CHMP1A: variants seen among roughly 807,000 people sequenced by gnomAD.
The protein encoded by CHMP1A is VPS46 homolog A.
CHMP1A carries 17 observed loss-of-function variants against 27.0 expected under a neutral mutation model. That is an observed-to-expected ratio of 0.63 (90% confidence interval 0.43 to 0.95). The LOEUF (loss-of-function observed/expected upper bound fraction) is 0.95, where lower values mean the gene tolerates loss of function less well. CHMP1A is among the 40% of genes least tolerant of loss of function. CHMP1A has a pLI of 0.00. For synonymous variants in CHMP1A, 131 were observed against 107.5 expected (o/e 1.22, Z -1.35); for missense variants, 275 against 264.0 (o/e 1.04, Z -0.29).
rs558269626 is a variant in CHMP1A at position 89,650,818 on chromosome 16, T to C, written c.105+751A>G. On this transcript the variant is annotated intron_variant, in intron 3 of 6. Coordinates refer to ENST00000397901, the MANE Select transcript of CHMP1A (RefSeq NM_002768.5). ...GACTCCATCTCAAAAAAAAAAAAGATAGGATCGTGGCAGACAGCTAGCTAG... is the reference window on the plus strand; with the variant it reads ...GACTCCATCTCAAAAAAAAAAAAGACAGGATCGTGGCAGACAGCTAGCTAG... 2.1e-5 allele frequency among the ~76,000 whole-genome samples: 3 copies of C among 146,174 alleles called. No individual in the cohort carries two copies. In the South Asian group the frequency reaches 6.4e-4, roughly 31 times the overall value.
At chr16:89,657,561 A>G in intron 1 of CHMP1A, 21 bp downstream of exon 1, 2 of 1,610,380 alleles carry the variant, frequency 1.2e-6, no homozygotes, top group Non-Finnish European at 1.7e-6. Flanking sequence ...GAGTCCCCGG[A>G]GGACGGCCGC....
chr16:89,657,690 G>C lies in CHMP1A; in HGVS notation c.-102C>G. 2 of 1,570,142 alleles carry C rather than the reference G, an allele frequency of 1.3e-6. No homozygotes were observed. The highest frequency in any genetic ancestry group is 2.3e-5 in the South Asian group (2 of 86,168). ...TCGAACCGACCAAGCTGCACCCGGC[G>C]GGGACTTCCGGGGTCGCCGCCCCAC... On this transcript the variant is annotated 5_prime_UTR_variant, in exon 1 of 7. Transcript: ENST00000397901.
chr16:89,646,160 G>C, intron 6 of CHMP1A, 73 bp from the exon 7 acceptor site: 2 of 1,399,098 alleles, frequency 1.4e-6, no homozygotes, highest in Non-Finnish European at 1.9e-6. Flanking sequence ...TCCCAGCACA[G>C]GTGACCCTTT....
At position 89,646,628 on chromosome 16, in the gene CHMP1A, C is replaced by G. The variant is rs1489343119; in HGVS notation, c.468G>C (p.Glu156Asp). 6.2e-7 allele frequency: 1 copy of G among 1,609,314 alleles called. No individual in the cohort carries two copies. The change falls in exon 6 of 7, where the codon GAG becomes GAC. Residue 156 changes from glutamate to aspartate, a missense_variant. By Grantham distance (45) the Glu-to-Asp change is conservative (BLOSUM62 2). Coordinates refer to ENST00000397901, the MANE Select transcript of CHMP1A (RefSeq NM_002768.5). ...GCTGGTCCAGCACCTCCAGGCCATT[C>G]TCCTCGGCGATCTGCATGATGAGGC... Reference protein sequence around the residue: ...VDSLIMQIAEENGLEVLDQLS... With the variant: ...VDSLIMQIAEDNGLEVLDQLS...
At chr16:89,650,968 C>T (rs1186882427) in intron 3 of CHMP1A, among the ~76,000 whole-genome samples, 2 of 152,190 alleles carry the variant, frequency 1.3e-5, no homozygotes, top group Non-Finnish European at 2.9e-5. Context: ...GAAGGTCTGG[C>T]AGGGGCTGTA....
chr16:89,646,015 A>G lies in CHMP1A; in HGVS notation c.*51T>C, dbSNP rs776380381. On this transcript the variant is annotated 3_prime_UTR_variant, in exon 7 of 7. Coordinates refer to ENST00000397901, the MANE Select transcript of CHMP1A (RefSeq NM_002768.5). ...CAAGACGCGGTGGGGAGAGGACAGG[A>G]GCCTTCCAGCACATCACGGGGCAGA... is the stretch of plus-strand genomic sequence containing the variant. 1.2e-6 allele frequency: 2 copies of G among 1,608,760 alleles called. No individual in the cohort carries two copies. Among genetic ancestry groups the G allele is most frequent in the Non-Finnish European group, 1.7e-6 (2 of 1,178,232 alleles).
chr16:89,647,411 C>CGG lies in CHMP1A; in HGVS notation c.253-81_253-80insCC, dbSNP rs941205992. The CGG allele has an allele frequency of 1.1e-5, 15 of 1,406,038 alleles. No individual in the cohort carries two copies. The African/African-American group carries it at 2.0e-4, about 19-fold the overall frequency. 87.1% of individuals were successfully genotyped at this position (1,406,038 alleles called of 1,614,324 possible). A position where few individuals can be genotyped will look rare whatever the true frequency, so the allele number is the denominator to read the frequency against. ...GCACCAGGGACGGGTCCCCTGGACTCTGACAGGAGAGCTGGGGCACCCCAA... is the reference window on the plus strand; with the variant it reads ...GCACCAGGGACGGGTCCCCTGGACTCGGTGACAGGAGAGCTGGGGCACCCCAA... On this transcript the variant is annotated intron_variant, in intron 4 of 6. Transcript: ENST00000397901.
At chr16:89,647,059 A>G in intron 5 of CHMP1A, 144 bp downstream of exon 5, 1 of 1,532,366 alleles carries the variant, frequency 6.5e-7, no homozygotes, top group Non-Finnish European at 8.7e-7. Flanking sequence ...GCAGGGACCC[A>G]GCACAGAGGA....
At chr16:89,656,753 G>A (rs1048192199) in intron 1 of CHMP1A, among the ~76,000 whole-genome samples, 1 of 152,188 alleles carries the variant, frequency 6.6e-6, no homozygotes, top group Non-Finnish European at 1.5e-5. Context: ...GGCAGGGGGT[G>A]CAACTGTCAC....
chr16:89,647,749 G>A (rs1368957919), intron 4 of CHMP1A, among the ~76,000 whole-genome samples: 25 of 2,192 alleles, frequency 0.011, 2 homozygotes, highest in South Asian at 0.1. Context: ...GCGCGGGGTC[G>A]GTGGAGAAAA....
rs370304473 is a variant in CHMP1A at position 89,645,981 on chromosome 16, G to C, written c.*85C>G. 1.9e-6 allele frequency: 3 copies of C among 1,612,154 alleles called. No homozygotes were observed. The highest frequency in any genetic ancestry group is 2.5e-6 in the Non-Finnish European group (3 of 1,179,436). On this transcript the variant is annotated 3_prime_UTR_variant, in exon 7 of 7. Transcript: ENST00000397901. ...TGCCGGCCGCAGCCCCGCGGGGTCA[G>C]CACAAAGGCAAGACGCGGTGGGGAG...
intron 4 of CHMP1A, among the ~76,000 whole-genome samples, chr16:89,648,693 C>G (rs183201209): frequency 6.6e-6 from 1 of 151,752 alleles, no homozygotes; most frequent in African/African-American, 2.4e-5. Context: ...GAGTTTGAGA[C>G]CAGAGCGGCC....
intron 2 of CHMP1A, 39 bp downstream of exon 2, chr16:89,653,865 C>A (rs1161074392): frequency 1.9e-6 from 3 of 1,607,292 alleles, no homozygotes; most frequent in Admixed American, 3.3e-5. Context: ...TCTGTCCTCA[C>A]CAGAACAGGG....
intron 1 of CHMP1A, among the ~76,000 whole-genome samples, chr16:89,655,895 G>A (rs2059861936): frequency 6.6e-6 from 1 of 152,180 alleles, no homozygotes; most frequent in Non-Finnish European, 1.5e-5. Context: ...CAAAGTGTTG[G>A]GGTTACAGGC....
intron 3 of CHMP1A, among the ~76,000 whole-genome samples, chr16:89,650,306 G>A (rs1330070952): frequency 6.6e-6 from 1 of 151,926 alleles, no homozygotes; most frequent in Non-Finnish European, 1.5e-5. Flanking sequence ...AGCCTTCCGA[G>A]TAGCTGGGAT....
chr16:89,651,241 C>A (rs1330618326), intron 3 of CHMP1A, among the ~76,000 whole-genome samples: 1 of 152,008 alleles, frequency 6.6e-6, no homozygotes, highest in African/African-American at 2.4e-5. Flanking sequence ...TAGCTGGGTG[C>A]AAGCCTGTAA....
In CHMP1A at chr16:89,647,245, G is replaced by A. The variant is rs1305456765; in HGVS notation, c.339C>T (p.Asp113=). ...GGTTCTGCACCTGCTGCTCGAACCT[G>A]TCCATCACTGAGGAGACCTTCTGCA... ...MDLQKVSSVM[D]RFEQQVQNLD... The change falls in exon 5 of 7, where the codon GAC becomes GAT. Residue 113 remains aspartate, a synonymous_variant. Transcript: ENST00000397901. The A allele has an allele frequency of 1.2e-6, 2 of 1,610,122 alleles. No homozygotes were observed. Among genetic ancestry groups the A allele is most frequent in the Non-Finnish European group, 1.7e-6 (2 of 1,178,526 alleles).
chr16:89,646,041 G>C lies in CHMP1A; in HGVS notation c.*25C>G, dbSNP rs754982493. Reference sequence around the variant, plus strand: ...GCCTTCCAGCACATCACGGGGCAGAGGCGGTGCACACCGGCGGGGCACGGC... The same window carrying C: ...GCCTTCCAGCACATCACGGGGCAGACGCGGTGCACACCGGCGGGGCACGGC... On this transcript the variant is annotated 3_prime_UTR_variant, in exon 7 of 7. Coordinates refer to ENST00000397901, the MANE Select transcript of CHMP1A (RefSeq NM_002768.5). 6.3e-7 allele frequency: 1 copy of C among 1,589,188 alleles called. No homozygotes were observed. Among genetic ancestry groups the C allele is most frequent in the Non-Finnish European group, 8.6e-7 (1 of 1,168,806 alleles).
intron 4 of CHMP1A, among the ~76,000 whole-genome samples, chr16:89,647,687 T>C (rs1427965494): frequency 7.7e-5 from 1 of 13,036 alleles, no homozygotes; most frequent in African/African-American, 2.2e-4. Context: ...GCCGCCGACG[T>C]GGGGACCCAG....
Sources: allele counts gnomAD v4.1 joint callset (sites outside exome capture counted in the v4.1 genomes callset), GRCh38; gene constraint gnomAD v4.1.1; transcripts MANE v1.5; gene names NCBI Gene and HGNC (gene_info 2026-07-23, HGNC 2026-07-21).